Variants in AP5Z1 observed in about 807,000 individuals in gnomAD.
AP5Z1 encodes the protein adaptor related protein complex 5 subunit zeta 1, also known as AP-5 complex subunit zeta-1.
A neutral mutation model predicts 83.0 loss-of-function variants in AP5Z1; 106 were observed. That is an observed-to-expected ratio of 1.28 (90% CI 1.09 to 1.50). The LOEUF is 1.50. Among genes scored for constraint, AP5Z1 ranks in the 40% most tolerant of loss-of-function variants. AP5Z1 has a pLI of 0.00. For synonymous variants in AP5Z1, 751 were observed against 514.1 expected, an observed-to-expected ratio of 1.46 and a Z score of -6.23; for missense variants, 1,565 against 1,094.2, an observed-to-expected ratio of 1.43 and a Z score of -6.07.
chr7:4,786,492 CTT>C lies in AP5Z1; in HGVS notation c.1311+66_1311+67del. On this transcript the variant is annotated intron_variant, in intron 10 of 16. Transcript: ENST00000649063. The stretch of plus-strand genomic sequence containing the variant: ...GGTAAGTCCCTGGGGCTCCTCCCCT[CTT>C]TCCAGCGGGGTTCAGGGCGAGTCCT... The C allele has an allele frequency of 2.5e-6, 4 of 1,581,722 alleles. No individual in the cohort carries two copies. The South Asian group carries it at 4.5e-5, about 18-fold the overall frequency.
At position 4,785,044 on chromosome 7, in the gene AP5Z1, C is replaced by G; in HGVS notation, c.927C>G (p.Asn309Lys). Residue 309 changes from asparagine to lysine, a missense_variant, in exon 7 of 17, where the codon AAC becomes AAG. Physicochemically the swap from Asn to Lys is moderately conservative, Grantham distance 94. Coordinates refer to ENST00000649063, the MANE Select transcript of AP5Z1 (RefSeq NM_014855.3). ...EYCQRLIEQSNRRALRKGDSD... is the reference protein window; with the variant it reads ...EYCQRLIEQSKRRALRKGDSD... ...GCCAGCGCCTCATTGAGCAAAGTAA[C>G]CGACGTGAGTCCCCCACCCAGGGCA... is the stretch of plus-strand genomic sequence containing the variant. 1 of 1,597,776 alleles carries G rather than the reference C, an allele frequency of 6.3e-7. No individual in the cohort carries two copies. The highest frequency in any genetic ancestry group is 1.1e-5 in the South Asian group (1 of 89,666).
chr7:4,787,769 C>A lies in AP5Z1; in HGVS notation c.1447C>A (p.Gln483Lys). 7 of 1,536,048 alleles carry A rather than the reference C, an allele frequency of 4.6e-6. No homozygotes were observed. The highest frequency in any genetic ancestry group is 5.2e-6 in the Non-Finnish European group (6 of 1,144,856). The change falls in exon 11 of 17, where the codon CAG (glutamine) becomes AAG (lysine). Residue 483 changes from glutamine to lysine, a missense_variant. Gln to Lys is a moderately conservative substitution (Grantham distance 53). Coordinates refer to ENST00000649063, the MANE Select transcript of AP5Z1 (RefSeq NM_014855.3). ...LPCLTAVLDL[Q>K]LRSAPAASER... ...CTGCTTGACGGCGGTGCTGGACCTG[C>A]AGCTCAGGTGGGCCCCTCACCCTCT...
rs749763325 is a variant in AP5Z1 at position 4,788,204 on chromosome 7, C to T, written c.1505C>T (p.Ala502Val). The change falls in exon 12 of 17, where the codon GCC becomes GTC. Residue 502 changes from alanine to valine, a missense_variant. Transcript: ENST00000649063. ...CCACTCTGGGACACCTCTCTCAGGGCCCCCAGCTGCCTGGAGGCCTTCCGG... is the reference window on the plus strand; with the variant it reads ...CCACTCTGGGACACCTCTCTCAGGGTCCCCAGCTGCCTGGAGGCCTTCCGG... Reference protein sequence around the residue: ...ERPLWDTSLRAPSCLEAFRDP... With the variant: ...ERPLWDTSLRVPSCLEAFRDP... 3.6e-5 allele frequency: 57 copies of T among 1,562,978 alleles called. No individual in the cohort carries two copies. The highest frequency in any genetic ancestry group is 4.6e-5 in the Non-Finnish European group (53 of 1,154,728).
intron 12 of AP5Z1, 78 bp from the exon 13 acceptor site, chr7:4,788,762 A>G: frequency 7.9e-7 from 1 of 1,259,002 alleles, no homozygotes; most frequent in Non-Finnish European, 1.1e-6. Flanking sequence ...TGCGAGAGGG[A>G]GCAGTGGCGA....
At chr7:4,790,066 C>T in intron 14 of AP5Z1, 137 bp downstream of exon 14, 1 of 1,217,598 alleles carries the variant, frequency 8.2e-7, no homozygotes, top group South Asian at 1.5e-5. Flanking sequence ...ACCCTGCCAC[C>T]CCCACCCACA....
intron 3 of AP5Z1, among the ~76,000 whole-genome samples, chr7:4,782,512 G>T (rs112922782): frequency 6.6e-6 from 1 of 152,178 alleles, no homozygotes; most frequent in South Asian, 2.1e-4. Flanking sequence ...AGCCTGCAGC[G>T]TCATGAGTTG....
chr7:4,791,224 C>G lies in AP5Z1; in HGVS notation c.2263C>G (p.Leu755Val). The change falls in exon 17 of 17, where the codon CTG becomes GTG. Residue 755 changes from leucine to valine, a missense_variant. Transcript: ENST00000649063. ...EAIRTRATEL[L>V]TLLKMPSVAQ... ...CATCCGTACCCGGGCCACAGAGCTG[C>G]TGACCCTGCTGAAGATGCCTAGCGT... is the stretch of plus-strand genomic sequence containing the variant. 4.3e-6 allele frequency: 7 copies of G among 1,612,800 alleles called. No individual in the cohort carries two copies. Among genetic ancestry groups the G allele is most frequent in the Non-Finnish European group, 5.9e-6 (7 of 1,179,856 alleles).
chr7:4,789,372 C>G (rs1311643796), intron 13 of AP5Z1, among the ~76,000 whole-genome samples: 3 of 152,160 alleles, frequency 2.0e-5, no homozygotes, highest in Admixed American at 1.3e-4. Flanking sequence ...TGTCCCCCTG[C>G]TGCCCCTGAT....
chr7:4,786,764 C>A (rs1781558202), intron 10 of AP5Z1, among the ~76,000 whole-genome samples: 1 of 151,756 alleles, frequency 6.6e-6, no homozygotes, highest in Non-Finnish European at 1.5e-5. Context: ...CACTTGGGTG[C>A]CATTTGCCTT....
At chr7:4,790,929 G>A (rs771007164) in intron 16 of AP5Z1, 42 bp downstream of exon 16, 3 of 1,536,086 alleles carry the variant, frequency 2.0e-6, no homozygotes, top group Non-Finnish European at 2.6e-6. Context: ...GGCTCCTGGG[G>A]AAGAGAGGTG....
At position 4,791,316 on chromosome 7, in the gene AP5Z1, G is replaced by T; in HGVS notation, c.2355G>T (p.Thr785=). 6.2e-7 allele frequency: 1 copy of T among 1,610,802 alleles called. No individual in the cohort carries two copies. The highest frequency in any genetic ancestry group is 8.5e-7 in the Non-Finnish European group (1 of 1,178,504). ...CSPRYHRDAN[T]ALPLALRTVS... The stretch of plus-strand genomic sequence containing the variant: ...CCCGCTATCACCGCGATGCCAACAC[G>T]GCCCTGCCCCTGGCCCTGCGCACGG... Residue 785 remains threonine (T), a synonymous_variant, in exon 17 of 17, where the codon ACG becomes ACT. Transcript: ENST00000649063.
Position 4,791,542 on chromosome 7 carries a change from G to GCCCCCCTGCTCA in AP5Z1, c.*161_*172dup. 1 of 1,115,512 alleles carries GCCCCCCTGCTCA rather than the reference G, an allele frequency of 9.0e-7. No homozygotes were observed. Among genetic ancestry groups the GCCCCCCTGCTCA allele is most frequent in the Non-Finnish European group, 1.3e-6 (1 of 799,654 alleles). The allele number at this position is 1,115,512 out of a possible 1,614,324, so 69.1% of individuals were successfully genotyped here. On this transcript the variant is annotated 3_prime_UTR_variant, in exon 17 of 17. Coordinates refer to ENST00000649063, the MANE Select transcript of AP5Z1 (RefSeq NM_014855.3). ...GCACCCTCACAGACACGCGGGGCTG[G>GCCCCCCTGCTCA]CCCCCCTGCTCACCCTCTGGGCTTT...
chr7:4,782,592 T>G (rs1018946756), intron 3 of AP5Z1, among the ~76,000 whole-genome samples: 1 of 152,078 alleles, frequency 6.6e-6, no homozygotes, highest in African/African-American at 2.4e-5. Context: ...GGCCCCGGCG[T>G]ACTCAGGGCG....
chr7:4,782,542 G>A (rs1269792574), intron 3 of AP5Z1, among the ~76,000 whole-genome samples: 1 of 152,014 alleles, frequency 6.6e-6, no homozygotes, highest in Admixed American at 6.6e-5. Context: ...CTGGGGTGCA[G>A]CCTGCGGTTG....
intron 14 of AP5Z1, 52 bp downstream of exon 14, chr7:4,789,981 TCCTCCC>T (rs1380979386): frequency 3.0e-6 from 4 of 1,350,368 alleles, no homozygotes; most frequent in Non-Finnish European, 3.9e-6. Context: ...CCTCCTGGAC[TCCTCCC>T]CCTCTCCCCT....
intron 15 of AP5Z1, 33 bp from the exon 16 acceptor site, chr7:4,790,640 G>A (rs1302949873): frequency 1.2e-6 from 2 of 1,612,246 alleles, no homozygotes; most frequent in Admixed American, 1.7e-5. Context: ...CAGGAGGCCT[G>A]GGTGGGGGCT....
chr7:4,783,753 G>A lies in AP5Z1; in HGVS notation c.576G>A (p.Gly192=), dbSNP rs1781451439. ...TGCGCTACGCCAGCCTCCAGCAAGG[G>A]CTCCCACACTCCGGCGGCTTCTTCT... is the stretch of plus-strand genomic sequence containing the variant. ...DWLRYASLQQ[G]LPHSGGFFST... is the part of the protein sequence containing the mutation. The change falls in exon 5 of 17, where the codon GGG becomes GGA. Residue 192 remains glycine (G), a synonymous_variant. Transcript: ENST00000649063. 5 of 1,550,726 alleles carry A rather than the reference G, an allele frequency of 3.2e-6. No individual in the cohort carries two copies. In the African/African-American group the frequency reaches 5.5e-5, roughly 17 times the overall value.
Position 4,788,273 on chromosome 7 carries a change from A to C in AP5Z1, c.1574A>C (p.Lys525Thr). Reference sequence around the variant, plus strand: ...CTTTTCCAATACCTGCTGCGCCCCAAGGCCAGTGGCGCCACTGAGAGGTAC... The same window carrying C: ...CTTTTCCAATACCTGCTGCGCCCCACGGCCAGTGGCGCCACTGAGAGGTAC... ...QGLFQYLLRP[K>T]ASGATERLAP... Residue 525 changes from lysine (K) to threonine (T), a missense_variant, in exon 12 of 17, where the codon AAG becomes ACG. Transcript: ENST00000649063. 3 of 1,591,690 alleles carry C rather than the reference A, an allele frequency of 1.9e-6. No homozygotes were observed. The highest frequency in any genetic ancestry group is 2.6e-6 in the Non-Finnish European group (3 of 1,170,532).
rs770452269 is a variant in AP5Z1 at position 4,783,310 on chromosome 7, T to G, written c.367-6T>G. On this transcript the variant is annotated splice_region_variant and splice_polypyrimidine_tract_variant and intron_variant, in intron 3 of 16. Transcript: ENST00000649063. ...TACCCCAGCGTTTGCCCTGTTTGAT[T>G]TGAAGGGTGACAGAAACGAGGAGGT... 3 of 1,601,958 alleles carry G rather than the reference T, an allele frequency of 1.9e-6. No homozygotes were observed. The highest frequency in any genetic ancestry group is 2.6e-6 in the Non-Finnish European group (3 of 1,173,850).
Sources: allele counts gnomAD v4.1 joint callset (sites outside exome capture counted in the v4.1 genomes callset), GRCh38; gene constraint gnomAD v4.1.1; transcripts MANE v1.5; gene names NCBI Gene and HGNC (gene_info 2026-07-23, HGNC 2026-07-21).